The following RPH3AL variants were observed in gnomAD, a reference collection of about 807,000 sequenced individuals.
The protein encoded by RPH3AL is rabphilin 3A like (without C2 domains), also known as rab effector Noc2.
Under a neutral mutation model 43.1 loss-of-function variants are expected in RPH3AL, and 38 were observed. The ratio of observed to expected loss-of-function variants is 0.88; its 90% CI spans 0.68 to 1.15. RPH3AL has a LOEUF of 1.15. Among genes scored for constraint, RPH3AL ranks in the 50% most tolerant of loss-of-function variants. The pLI is 0.00. For synonymous variants in RPH3AL, 189 were observed against 176.3 expected (o/e 1.07, Z -0.57); for missense variants, 462 against 423.2 (o/e 1.09, Z -0.81).
chr17:253,910 C>T (rs76876393), intron 6 of RPH3AL, among the ~76,000 whole-genome samples: 39 of 19,890 alleles, frequency 2.0e-3, no homozygotes, highest in African/African-American at 4.0e-3. Context: ...TGAGGGGAGC[C>T]GCACGGCGTC....
chr17:314,428 G>C (rs1407906634), intron 5 of RPH3AL, among the ~76,000 whole-genome samples: 3 of 128,736 alleles, frequency 2.3e-5, no homozygotes, highest in African/African-American at 7.3e-5. Context: ...CTGACATGTA[G>C]TCCCTCTGCC....
In RPH3AL at chr17:216,010, CCCACCCACA is replaced by C. The variant is rs1479733702; in HGVS notation, c.728-217_728-209del. On this transcript the variant is annotated intron_variant, in intron 8 of 9. Transcript: ENST00000331302. ...CATGGCTGCCGGGCTCTGGCCTGACCCCACCCACATGGCTGCCGGGCTCTGGCCTGACCT... is the reference window on the plus strand; with the variant it reads ...CATGGCTGCCGGGCTCTGGCCTGACCTGGCTGCCGGGCTCTGGCCTGACCT... 2 of 336,782 alleles carry C rather than the reference CCCACCCACA, an allele frequency of 5.9e-6. 1 individual carries two copies. The highest frequency in any genetic ancestry group is 9.9e-6 in the Non-Finnish European group (2 of 201,242). 20.9% of individuals were successfully genotyped at this position (336,782 alleles called of 1,614,324 possible).
chr17:324,100 T>C (rs1428101676), intron 3 of RPH3AL, among the ~76,000 whole-genome samples: 2 of 152,166 alleles, frequency 1.3e-5, no homozygotes, highest in African/African-American at 4.8e-5. Context: ...CCCCGCCCCA[T>C]TTCTCAGAGG....
At chr17:262,173 T>G (rs2042210336) in intron 6 of RPH3AL, among the ~76,000 whole-genome samples, 1 of 152,134 alleles carries the variant, frequency 6.6e-6, no homozygotes, top group Non-Finnish European at 1.5e-5. Context: ...GTCAAGGTCG[T>G]TATAAAAATG....
chr17:232,455 C>A (rs1279285102), intron 7 of RPH3AL, among the ~76,000 whole-genome samples: 1 of 152,224 alleles, frequency 6.6e-6, no homozygotes, highest in Non-Finnish European at 1.5e-5. Context: ...CACAGACAGA[C>A]AGGCAAATGG....
rs745701830 is a variant in RPH3AL at position 247,295 on chromosome 17, G to T, written c.439-10C>A. Reference sequence around the variant, plus strand: ...CCGACCTCTTCCAGACCTGAGTGGGGGAAGAGAGCTGCTTGGGGCACAGGA... The same window carrying T: ...CCGACCTCTTCCAGACCTGAGTGGGTGAAGAGAGCTGCTTGGGGCACAGGA... On this transcript the variant is annotated splice_polypyrimidine_tract_variant and intron_variant, in intron 6 of 9. Transcript: ENST00000331302. 1 of 1,558,210 alleles carries T rather than the reference G, an allele frequency of 6.4e-7. No individual in the cohort carries two copies. Among genetic ancestry groups the T allele is most frequent in the South Asian group, 1.2e-5 (1 of 82,680 alleles).
At chr17:278,307 G>C (rs928324752) in intron 6 of RPH3AL, among the ~76,000 whole-genome samples, 3 of 152,156 alleles carry the variant, frequency 2.0e-5, no homozygotes, top group Non-Finnish European at 4.4e-5. Context: ...GTGATTGTGA[G>C]GCCTCCCCAG....
chr17:215,642 T>A lies in RPH3AL; in HGVS notation c.876+12A>T. On this transcript the variant is annotated intron_variant, in intron 9 of 9. Transcript: ENST00000331302. The surrounding 1 kb of genome is among the most constrained non-coding windows in gnomAD (Gnocchi z 4.1). ...GGCAGGAGAGGGGAGAAGGCAGCAGTTGGGTACTCACCGGGGCCCTTCGGG... is the reference window on the plus strand; with the variant it reads ...GGCAGGAGAGGGGAGAAGGCAGCAGATGGGTACTCACCGGGGCCCTTCGGG... 7.9e-7 allele frequency: 1 copy of A among 1,272,972 alleles called. No homozygotes were observed. The highest frequency in any genetic ancestry group is 1.0e-6 in the Non-Finnish European group (1 of 1,004,664). The allele number at this position is 1,272,972 out of a possible 1,614,324, so 78.9% of individuals were successfully genotyped here.
At chr17:349,658 T>TA (rs1353139881) in intron 1 of RPH3AL, among the ~76,000 whole-genome samples, 3 of 152,128 alleles carry the variant, frequency 2.0e-5, no homozygotes, top group Non-Finnish European at 2.9e-5. Flanking sequence ...CCCATCTCTA[T>TA]AAAAAAACTT....
intron 5 of RPH3AL, among the ~76,000 whole-genome samples, chr17:317,111 G>A (rs1182261522): frequency 2.4e-4 from 34 of 142,484 alleles, no homozygotes; most frequent in Middle Eastern, 0.012. Context: ...TGTAGTCCCT[G>A]TGACTCCACC....
intron 5 of RPH3AL, among the ~76,000 whole-genome samples, chr17:284,885 G>A (rs1009449292): frequency 1.9e-4 from 29 of 152,278 alleles, no homozygotes; most frequent in African/African-American, 4.1e-4. Flanking sequence ...TCTTCCTGGC[G>A]TACAGACGGC....
chr17:297,851 TC>T (rs754683851), intron 5 of RPH3AL, among the ~76,000 whole-genome samples: 1 of 152,024 alleles, frequency 6.6e-6, no homozygotes, highest in Non-Finnish European at 1.5e-5. Context: ...CACTTGTAAG[TC>T]CCCGTTACTC....
intron 7 of RPH3AL, among the ~76,000 whole-genome samples, chr17:221,813 G>T: frequency 8.8e-6 from 1 of 114,232 alleles, no homozygotes; most frequent in African/African-American, 3.7e-5. Context: ...CAACAGCTCT[G>T]AGGGCTCCAC....
intron 8 of RPH3AL, among the ~76,000 whole-genome samples, chr17:217,243 T>A (rs1399296619): frequency 1.4e-5 from 2 of 143,378 alleles, no homozygotes; most frequent in African/African-American, 5.2e-5. Context: ...GGGCAGTTAT[T>A]ATGGAGCCCT....
At chr17:250,165 C>T (rs75845571) in intron 6 of RPH3AL, among the ~76,000 whole-genome samples, 26,897 of 134,388 alleles carry the variant, frequency 0.2, 1,688 homozygotes, top group East Asian at 0.34. Flanking sequence ...GCTGCGGGAC[C>T]TCTCAGAGCC....
rs2040707501 is a variant in RPH3AL at position 212,853 on chromosome 17, A to T, written c.*999T>A. ...CGTGCCCTGGCTGGGGATGCACCTG[A>T]ACGCTGCTCTTCAGCAAGTGAGTTC... On this transcript the variant is annotated 3_prime_UTR_variant, in exon 10 of 10. Transcript: ENST00000331302. The T allele has an allele frequency of 6.6e-6, 1 of 151,974 alleles. No homozygotes were observed. The allele number at this position is 151,974 out of a possible 1,614,324, so 9.4% of individuals were successfully genotyped here. A position where few individuals can be genotyped will look rare whatever the true frequency, so the allele number is the denominator to read the frequency against.
chr17:228,856 C>T (rs767461509), intron 7 of RPH3AL, among the ~76,000 whole-genome samples: 1 of 152,090 alleles, frequency 6.6e-6, no homozygotes, highest in African/African-American at 2.4e-5. Context: ...CTTTTTCTGT[C>T]GCAGCAGAGG....
At chr17:223,533 G>A (rs1389913559) in intron 7 of RPH3AL, among the ~76,000 whole-genome samples, 1 of 152,202 alleles carries the variant, frequency 6.6e-6, no homozygotes, top group Non-Finnish European at 1.5e-5. Context: ...CCGCTGGTGA[G>A]AGGTAAGACT....
At chr17:216,309 G>C (rs545170183) in intron 8 of RPH3AL, among the ~76,000 whole-genome samples, 2 of 152,204 alleles carry the variant, frequency 1.3e-5, no homozygotes, top group Admixed American at 6.5e-5. Context: ...GTCCAAGAAC[G>C]GGCCTGCAGG....
Sources: allele counts gnomAD v4.1 joint callset (sites outside exome capture counted in the v4.1 genomes callset), GRCh38; gene constraint gnomAD v4.1.1; non-coding constraint Gnocchi (gnomAD v3.1); transcripts MANE v1.5; gene names NCBI Gene and HGNC (gene_info 2026-07-23, HGNC 2026-07-21).